The following DLGAP2 variants were observed in gnomAD, a reference collection of about 807,000 sequenced individuals.
DLGAP2 encodes disks large-associated protein 2.
A neutral mutation model predicts 100.3 loss-of-function variants in DLGAP2; 26 were observed. That is an observed-to-expected ratio of 0.26 (90% CI 0.19 to 0.36). The LOEUF (loss-of-function observed/expected upper bound fraction) is 0.36. Ranked by LOEUF, DLGAP2 falls within the 10% of genes least tolerant of loss-of-function variation. The probability of loss-of-function intolerance (pLI) is 1.00; values close to 1 mark genes in which losing one functional copy is unlikely to be tolerated. For synonymous variants in DLGAP2, 886 were observed against 630.1 expected, an observed-to-expected ratio of 1.41 and a Z score of -6.08; for missense variants, 1,858 against 1,453.2, an observed-to-expected ratio of 1.28 and a Z score of -4.53.
intron 2 of DLGAP2, chr8:1,002,259 T>C (rs1036878514): frequency 2.6e-5 from 4 of 152,182 alleles, no homozygotes; most frequent in African/African-American, 9.7e-5. Context: ...GTGATTCTTC[T>C]TTCAACGAAC....
intron 6 of DLGAP2, among the ~76,000 whole-genome samples, chr8:1,619,337 A>T (rs1797256165): frequency 6.6e-6 from 1 of 152,216 alleles, no homozygotes; most frequent in Non-Finnish European, 1.5e-5. Flanking sequence ...GCCCAAGAGG[A>T]TACGGGTGGA....
At chr8:1,238,399 C>T (rs1409101309) in intron 2 of DLGAP2, among the ~76,000 whole-genome samples, 2 of 73,158 alleles carry the variant, frequency 2.7e-5, no homozygotes, top group Non-Finnish European at 5.5e-5. Flanking sequence ...TCTCACATGG[C>T]GCCATGTCTA....
chr8:1,586,037 T>C (rs922431712), intron 6 of DLGAP2, among the ~76,000 whole-genome samples: 2 of 152,238 alleles, frequency 1.3e-5, no homozygotes, highest in African/African-American at 4.8e-5. Flanking sequence ...ATTTTGTTAG[T>C]TTTCCGTTGC....
chr8:993,645 C>A (rs989379432), intron 2 of DLGAP2, among the ~76,000 whole-genome samples: 1 of 152,188 alleles, frequency 6.6e-6, no homozygotes, highest in African/African-American at 2.4e-5. Flanking sequence ...CAAGCGTCTC[C>A]TTCATGGGCG....
chr8:903,006 G>A (rs1360973671), intron 1 of DLGAP2, among the ~76,000 whole-genome samples: 1 of 131,746 alleles, frequency 7.6e-6, no homozygotes, highest in Non-Finnish European at 1.6e-5. Flanking sequence ...AAAGTGTGTG[G>A]GTGGGCAGGG....
intron 6 of DLGAP2, among the ~76,000 whole-genome samples, chr8:1,625,493 T>G (rs1797468165): frequency 6.6e-6 from 1 of 152,252 alleles, no homozygotes; most frequent in Non-Finnish European, 1.5e-5. Context: ...ACGACCGTTG[T>G]GCTTATAAAA....
chr8:1,174,837 G>A (rs553058146), intron 2 of DLGAP2, among the ~76,000 whole-genome samples: 18 of 152,184 alleles, frequency 1.2e-4, no homozygotes, highest in South Asian at 6.2e-4. Flanking sequence ...TAGCAGCTGA[G>A]TTCTGTTTAT....
At chr8:1,561,751 G>A (rs113124157) in intron 5 of DLGAP2, among the ~76,000 whole-genome samples, 1 of 128,190 alleles carries the variant, frequency 7.8e-6, no homozygotes, top group African/African-American at 3.0e-5. Context: ...GGGACTGTGT[G>A]GTGTTGGGGT....
intron 7 of DLGAP2, among the ~76,000 whole-genome samples, chr8:1,631,991 G>T (rs561113962): frequency 6.6e-6 from 1 of 152,088 alleles, no homozygotes; most frequent in Non-Finnish European, 1.5e-5. Flanking sequence ...AATCCAGGGG[G>T]TTCAGAAAGC....
At chr8:1,432,670 G>A (rs905204971) in intron 3 of DLGAP2, among the ~76,000 whole-genome samples, 6 of 152,232 alleles carry the variant, frequency 3.9e-5, no homozygotes, top group Admixed American at 2.0e-4. Context: ...CTGGCCCTGA[G>A]CTGTTCTCTT....
Position 1,304,970 on chromosome 8 carries a change from C to A in DLGAP2, c.106+46087C>A, listed in dbSNP as rs533269232. Reference sequence around the variant, plus strand: ...ATACCCAGCTGAAGTGAGACAGATACGAGTTGGACAAATACTGCTAAGAAT... The same window carrying A: ...ATACCCAGCTGAAGTGAGACAGATAAGAGTTGGACAAATACTGCTAAGAAT... On this transcript the variant is annotated intron_variant, in intron 3 of 14. Transcript: ENST00000637795. Among the ~76,000 whole-genome samples, 17 of 152,244 alleles carry A rather than the reference C, an allele frequency of 1.1e-4. No individual in the cohort carries two copies. The South Asian group carries it at 2.7e-3, about 24-fold the overall frequency.
chr8:910,376 A>G (rs960074563), intron 2 of DLGAP2: 4 of 152,134 alleles, frequency 2.6e-5, no homozygotes, highest in African/African-American at 7.2e-5. Context: ...ATTATTTGTG[A>G]TGATTTTAGG....
intron 2 of DLGAP2, among the ~76,000 whole-genome samples, chr8:1,039,370 G>T (rs36152333): frequency 4.1e-5 from 6 of 146,310 alleles, no homozygotes; most frequent in South Asian, 2.3e-4. Context: ...TCAGCTCGGT[G>T]TGCATGGTCA....
At chr8:1,622,495 A>C (rs1797371391) in intron 6 of DLGAP2, 1 of 152,180 alleles carries the variant, frequency 6.6e-6, no homozygotes, top group African/African-American at 2.4e-5. Context: ...TAAGTCACAG[A>C]GGAGGTTCTG....
chr8:912,360 G>A (rs746623302), intron 2 of DLGAP2, among the ~76,000 whole-genome samples: 4 of 152,160 alleles, frequency 2.6e-5, no homozygotes, highest in South Asian at 2.1e-4. Context: ...TGGAACTGAC[G>A]GTTGCTTATT....
At chr8:1,106,715 T>G (rs1384382325) in intron 2 of DLGAP2, among the ~76,000 whole-genome samples, 3 of 150,278 alleles carry the variant, frequency 2.0e-5, no homozygotes, top group Admixed American at 6.6e-5. Context: ...AGGAGGGTTT[T>G]CTATTGAAGA....
At chr8:793,156 T>C (rs1795953782) in intron 1 of DLGAP2, among the ~76,000 whole-genome samples, 1 of 152,254 alleles carries the variant, frequency 6.6e-6, no homozygotes, top group African/African-American at 2.4e-5. Flanking sequence ...TTGGCTGATG[T>C]CTATCTTCTA....
chr8:1,564,660 C>T (rs767570884), intron 5 of DLGAP2, among the ~76,000 whole-genome samples: 1 of 152,192 alleles, frequency 6.6e-6, no homozygotes, highest in Non-Finnish European at 1.5e-5. Context: ...TGGTACCATG[C>T]GGATATATAA....
At chr8:1,452,913 G>T (rs568829382) in intron 3 of DLGAP2, among the ~76,000 whole-genome samples, 19 of 152,318 alleles carry the variant, frequency 1.2e-4, no homozygotes, top group Non-Finnish European at 2.6e-4. Flanking sequence ...ACGAAGGCCT[G>T]TGAGCCCCCA....
Sources: allele counts gnomAD v4.1 joint callset (sites outside exome capture counted in the v4.1 genomes callset), GRCh38; gene constraint gnomAD v4.1.1; transcripts MANE v1.5; gene names NCBI Gene and HGNC (gene_info 2026-07-23, HGNC 2026-07-21).